Variants in ACTR3C observed in about 807,000 individuals in gnomAD.
ACTR3C encodes actin-related protein 3C.
Under a neutral mutation model 26.3 loss-of-function variants are expected in ACTR3C, and 18 were observed. The observed-to-expected ratio is 0.68, with a 90% CI of 0.47 to 1.01. The LOEUF is 1.01. ACTR3C is among the 50% of genes least tolerant of loss of function. ACTR3C has a pLI of 0.00. For missense variants in ACTR3C, 184 were observed against 250.7 expected, an observed-to-expected ratio of 0.73 and a Z score of 1.80; for synonymous variants, 55 against 94.5, an observed-to-expected ratio of 0.58 and a Z score of 2.42.
At chr7:150,271,039 A>G (rs1834410753) in intron 6 of ACTR3C, among the ~76,000 whole-genome samples, 2 of 150,378 alleles carry the variant, frequency 1.3e-5, no homozygotes, top group Admixed American at 1.3e-4. Flanking sequence ...CAGGACAAAC[A>G]GAAAGACTCT....
the ACTR3C span, among the ~76,000 whole-genome samples, chr7:150,136,642 G>A: frequency 1.3e-5 from 2 of 151,176 alleles, no homozygotes; most frequent in Non-Finnish European, 2.9e-5. Flanking sequence ...TGCAATCCAG[G>A]TTGGGCAACA....
intron 6 of ACTR3C, among the ~76,000 whole-genome samples, chr7:150,249,358 C>T (rs1009362854): frequency 1.3e-5 from 2 of 152,176 alleles, no homozygotes; most frequent in African/African-American, 4.8e-5. Flanking sequence ...AAGAGGTTTT[C>T]TAGACAAAAG....
chr7:150,047,425 C>T, the ACTR3C span, among the ~76,000 whole-genome samples: 12 of 152,268 alleles, frequency 7.9e-5, no homozygotes, highest in East Asian at 1.9e-3. Flanking sequence ...CACAGACCCG[C>T]TCCCTCCGGG....
intron 1 of ACTR3C, among the ~76,000 whole-genome samples, chr7:150,316,486 T>G (rs1270901395): frequency 9.8e-6 from 1 of 102,376 alleles, no homozygotes; most frequent in Non-Finnish European, 1.6e-5. Context: ...TCTGGTTATT[T>G]TTTTTTTTTT....
chr7:149,939,675 ACTGGG>A, the ACTR3C span, among the ~76,000 whole-genome samples: 1 of 150,548 alleles, frequency 6.6e-6, no homozygotes, highest in Non-Finnish European at 1.5e-5. Flanking sequence ...CAGATACCTC[ACTGGG>A]TTATCACTAT....
chr7:150,117,703 T>C, the ACTR3C span, among the ~76,000 whole-genome samples: 3 of 152,240 alleles, frequency 2.0e-5, no homozygotes, highest in East Asian at 1.9e-4. Context: ...AAGAGAGCAG[T>C]GGATCTCCCA....
downstream of ACTR3C, chr7:150,245,767 C>G (rs1460405864): frequency 6.6e-6 from 1 of 152,208 alleles, no homozygotes; most frequent in African/African-American, 2.4e-5. Flanking sequence ...TACAGACCTT[C>G]AGAGCTATTC....
At chr7:150,198,632 G>T in the ACTR3C span, among the ~76,000 whole-genome samples, 1 of 149,798 alleles carries the variant, frequency 6.7e-6, no homozygotes, top group Non-Finnish European at 1.5e-5. Flanking sequence ...GAGAAGTGAG[G>T]AGATCCTCCG....
At chr7:149,896,034 C>CAAAAAAAAAAAA in the ACTR3C span, among the ~76,000 whole-genome samples, 6 of 83,066 alleles carry the variant, frequency 7.2e-5, no homozygotes, top group Non-Finnish European at 1.1e-4. Context: ...CCTGTCTCTA[C>CAAAAAAAAAAAA]AAAAAAAAAA....
chr7:150,270,965 C>T (rs868157292), intron 6 of ACTR3C, among the ~76,000 whole-genome samples: 1 of 152,066 alleles, frequency 6.6e-6, no homozygotes, highest in African/African-American at 2.4e-5. Context: ...CCAACAACAA[C>T]CCTCTTATAA....
At chr7:149,936,457 T>G in the ACTR3C span, among the ~76,000 whole-genome samples, 1 of 152,196 alleles carries the variant, frequency 6.6e-6, no homozygotes, top group South Asian at 2.1e-4. Flanking sequence ...CCCATCCTGC[T>G]CATTTTAGCA....
At chr7:149,984,217 T>C in the ACTR3C span, among the ~76,000 whole-genome samples, 2 of 152,108 alleles carry the variant, frequency 1.3e-5, no homozygotes, top group Non-Finnish European at 2.9e-5. Context: ...TTTTTTTCTT[T>C]TTTTGAGATG....
At chr7:150,101,972 G>A in the ACTR3C span, among the ~76,000 whole-genome samples, 336 of 151,720 alleles carry the variant, frequency 2.2e-3, 8 homozygotes, top group Non-Finnish European at 4.0e-3. Context: ...AAGGGCAGTG[G>A]GTAGATGTCA....
chr7:150,006,345 C>CGCCA, the ACTR3C span, among the ~76,000 whole-genome samples: 2 of 150,922 alleles, frequency 1.3e-5, no homozygotes, highest in African/African-American at 2.4e-5. Flanking sequence ...TACAGGCACC[C>CGCCA]GCCACCACGC....
the ACTR3C span, among the ~76,000 whole-genome samples, chr7:150,177,780 G>A: frequency 1.3e-5 from 2 of 150,672 alleles, 1 homozygote; most frequent in African/African-American, 5.0e-5. Flanking sequence ...GCCATAGGTA[G>A]ATAAAAACAT....
At chr7:150,126,256 GTTTGTA>G in the ACTR3C span, among the ~76,000 whole-genome samples, 1 of 152,170 alleles carries the variant, frequency 6.6e-6, no homozygotes. Context: ...ATACTCTTGT[GTTTGTA>G]TTTGACTTTT....
chr7:149,929,778 G>A, the ACTR3C span, among the ~76,000 whole-genome samples: 15 of 152,152 alleles, frequency 9.9e-5, no homozygotes, highest in African/African-American at 3.4e-4. Flanking sequence ...TGATCCGCCC[G>A]CCTCAGCCTC....
the ACTR3C span, among the ~76,000 whole-genome samples, chr7:150,231,034 T>C: frequency 6.6e-6 from 1 of 151,234 alleles, no homozygotes; most frequent in African/African-American, 2.5e-5. Flanking sequence ...TAACTTCAGA[T>C]GATCAATTTT....
the ACTR3C span, among the ~76,000 whole-genome samples, chr7:150,210,812 C>T: frequency 1.6e-3 from 236 of 147,188 alleles, 1 homozygote; most frequent in Non-Finnish European, 2.9e-3. Flanking sequence ...TTGCCTTGAC[C>T]GTGGCGTTTT....
Sources: gnomAD v4.1 joint callset for allele counts (sites outside exome capture counted in the v4.1 genomes callset) on GRCh38, gnomAD v4.1.1 for gene constraint, MANE v1.5 for transcripts, NCBI Gene and HGNC (gene_info 2026-07-23, HGNC 2026-07-21) for gene names.